Variants in DGKG observed in about 807,000 individuals in gnomAD.
DGKG encodes the protein DAG kinase gamma.
In DGKG, 78 loss-of-function variants were observed where a neutral mutation model predicts 105.3. The observed-to-expected ratio is 0.74, with a 90% confidence interval of 0.62 to 0.89. The LOEUF (loss-of-function observed/expected upper bound fraction) is 0.89. Among genes scored for constraint, DGKG ranks in the 40% least tolerant of loss-of-function variants. The pLI is 0.00. For synonymous variants in DGKG, 346 were observed against 367.1 expected, an observed-to-expected ratio of 0.94 and a Z score of 0.66; for missense variants, 958 against 1,020.1, an observed-to-expected ratio of 0.94 and a Z score of 0.83.
rs145625471 is a variant in DGKG at position 186,282,512 on chromosome 3, C to T, written c.595-1768G>A. Among the ~76,000 whole-genome samples, 55 of 152,280 alleles carry T rather than the reference C, an allele frequency of 3.6e-4. 1 individual carries two copies. The highest frequency in any genetic ancestry group is 1.2e-3 in the African/African-American group (51 of 41,552). On this transcript the variant is annotated intron_variant, in intron 7 of 24. Transcript: ENST00000265022. Reference sequence around the variant, plus strand: ...CCATTTCATGCCTTGATTATTTCAACGGCCTCCTAACCAGTATCCCTGCTT... The same window carrying T: ...CCATTTCATGCCTTGATTATTTCAATGGCCTCCTAACCAGTATCCCTGCTT...
intron 3 of DGKG, among the ~76,000 whole-genome samples, chr3:186,299,814 TTTCTTTCTTTC>T (rs1560141904): frequency 9.5e-6 from 1 of 105,740 alleles, no homozygotes; most frequent in Non-Finnish European, 2.0e-5. Flanking sequence ...TCTTTCTTTC[TTTCTTTCTTTC>T]TTTCTTTCTT....
chr3:186,249,203 A>C (rs1204645864), intron 19 of DGKG, among the ~76,000 whole-genome samples: 2 of 152,112 alleles, frequency 1.3e-5, no homozygotes, highest in Admixed American at 6.5e-5. Context: ...CATTCCCCTC[A>C]GCTGAGGCCG....
chr3:186,303,088 G>A (rs1309042194), intron 3 of DGKG, among the ~76,000 whole-genome samples: 2 of 152,146 alleles, frequency 1.3e-5, no homozygotes, highest in Non-Finnish European at 2.9e-5. Flanking sequence ...AGGGTCCAGA[G>A]CTGGCATAGT....
In DGKG at chr3:186,258,701, G is replaced by A. The variant is rs141859236; in HGVS notation, c.1425-762C>T. ...ATGCTCATCACTGCTTGGAATTTAC[G>A]GTAGTTATTAGACCCACTTCTGGGT... is the stretch of plus-strand genomic sequence containing the variant. On this transcript the variant is annotated intron_variant, in intron 16 of 24. Transcript: ENST00000265022. Among the ~76,000 whole-genome samples the A allele has an allele frequency of 2.9e-3, 435 of 152,022 alleles. 1 individual carries two copies. The highest frequency in any genetic ancestry group is 5.1e-3 in the Non-Finnish European group (349 of 67,990).
intron 20 of DGKG, among the ~76,000 whole-genome samples, chr3:186,214,219 C>T (rs1314635999): frequency 6.6e-6 from 1 of 152,192 alleles, no homozygotes; most frequent in African/African-American, 2.4e-5. Context: ...AAACGGACTA[C>T]TCATTCATTG....
At chr3:186,196,093 T>C (rs1718163765) in intron 21 of DGKG, among the ~76,000 whole-genome samples, 1 of 152,010 alleles carries the variant, frequency 6.6e-6, no homozygotes, top group Admixed American at 6.6e-5. Flanking sequence ...CCATAAATTA[T>C]TTCTCGTATA....
intron 10 of DGKG, among the ~76,000 whole-genome samples, chr3:186,273,278 C>T (rs765563877): frequency 4.0e-5 from 6 of 150,032 alleles, no homozygotes; most frequent in African/African-American, 4.9e-5. Context: ...CAGAGGCCCA[C>T]GGGCCTAGAA....
At chr3:186,201,746 T>A (rs1043816394) in intron 21 of DGKG, among the ~76,000 whole-genome samples, 4 of 152,194 alleles carry the variant, frequency 2.6e-5, no homozygotes, top group African/African-American at 9.7e-5. Context: ...TCACACCAAT[T>A]GTGGAATTCC....
At chr3:186,250,899 C>T (rs759021782) in intron 19 of DGKG, among the ~76,000 whole-genome samples, 1 of 151,904 alleles carries the variant, frequency 6.6e-6, no homozygotes, top group Non-Finnish European at 1.5e-5. Context: ...TGTTGCACTC[C>T]CACCCCCTCC....
At chr3:186,319,079 T>C (rs1724955595) in intron 2 of DGKG, among the ~76,000 whole-genome samples, 1 of 152,230 alleles carries the variant, frequency 6.6e-6, no homozygotes, top group African/African-American at 2.4e-5. Flanking sequence ...CCTACAGAGC[T>C]AGCTGAATTA....
chr3:186,265,398 G>C, intron 13 of DGKG, 92 bp from the exon 14 acceptor site: 2 of 1,174,120 alleles, frequency 1.7e-6, no homozygotes, highest in South Asian at 1.3e-5. Flanking sequence ...CTGATATAAA[G>C]AAAGAGATCA....
intron 1 of DGKG, among the ~76,000 whole-genome samples, chr3:186,326,397 T>TCAAAAAAAAAAAAAAAAAAA (rs1560156258): frequency 1.3e-5 from 2 of 149,612 alleles, no homozygotes; most frequent in African/African-American, 5.1e-5. Flanking sequence ...AGACACTGTC[T>TCAAAAAAAAAAAAAAAAAAA]TAAAAAAAAA....
chr3:186,189,104 C>T (rs545338591), intron 21 of DGKG, among the ~76,000 whole-genome samples: 30 of 152,274 alleles, frequency 2.0e-4, no homozygotes, highest in Admixed American at 4.6e-4. Context: ...TGAGCCACCA[C>T]GCCTGGCCAG....
chr3:186,320,502 T>C lies in DGKG; in HGVS notation c.-43A>G. The C allele has an allele frequency of 1.2e-6, 2 of 1,614,116 alleles. No individual in the cohort carries two copies. The highest frequency in any genetic ancestry group is 1.7e-6 in the Non-Finnish European group (2 of 1,180,002). On this transcript the variant is annotated 5_prime_UTR_variant, in exon 2 of 25. Transcript: ENST00000265022. ...GTGGCTAAAGGGCAGTGATGGAGTT[T>C]TGTTCACTAGGCTGAAGTGGAGGCC... is the stretch of plus-strand genomic sequence containing the variant.
chr3:186,200,211 C>A (rs2300709), intron 21 of DGKG, among the ~76,000 whole-genome samples: 1 of 151,950 alleles, frequency 6.6e-6, no homozygotes, highest in East Asian at 1.9e-4. Context: ...CATCTCCAGC[C>A]CTATGAAAGG....
intron 16 of DGKG, among the ~76,000 whole-genome samples, chr3:186,258,318 G>A (rs1281118713): frequency 6.6e-6 from 1 of 152,170 alleles, no homozygotes; most frequent in African/African-American, 2.4e-5. Context: ...GCCCTGGTAA[G>A]CAAGATGCAC....
At chr3:186,313,941 T>C (rs1724681292) in intron 2 of DGKG, among the ~76,000 whole-genome samples, 1 of 152,278 alleles carries the variant, frequency 6.6e-6, no homozygotes, top group East Asian at 1.9e-4. Context: ...ATAGCAAGGT[T>C]TTAGTGACAT....
At position 186,201,198 on chromosome 3, in the gene DGKG, C is replaced by G. The variant is rs142482706; in HGVS notation, c.1917+10597G>C. On this transcript the variant is annotated intron_variant, in intron 21 of 24. Transcript: ENST00000265022. Reference sequence around the variant, plus strand: ...ACTAGTGTGTTAAGGGATTCTTGCTCTGGATGCAGATTAATAGGCTTTGCT... The same window carrying G: ...ACTAGTGTGTTAAGGGATTCTTGCTGTGGATGCAGATTAATAGGCTTTGCT... Among the ~76,000 whole-genome samples the G allele has an allele frequency of 4.0e-5, 6 of 151,034 alleles. No individual in the cohort carries two copies. The East Asian group carries it at 7.8e-4, about 20-fold the overall frequency.
intron 1 of DGKG, among the ~76,000 whole-genome samples, chr3:186,326,037 C>T (rs1560156034): frequency 6.6e-6 from 1 of 152,106 alleles, no homozygotes. Flanking sequence ...TTGGGTACCA[C>T]GTATGCTCAC....
Sources: gnomAD v4.1 joint callset for allele counts (sites outside exome capture counted in the v4.1 genomes callset) on GRCh38, gnomAD v4.1.1 for gene constraint, MANE v1.5 for transcripts, NCBI Gene and HGNC (gene_info 2026-07-23, HGNC 2026-07-21) for gene names.